Variants in NRIP1 observed in about 807,000 individuals in gnomAD.
The protein encoded by NRIP1 is nuclear receptor-interacting protein 1.
NRIP1 carries 28 observed loss-of-function variants against 75.0 expected under a neutral mutation model. The observed-to-expected ratio is 0.37, with a 90% CI of 0.28 to 0.51. The LOEUF (loss-of-function observed/expected upper bound fraction) is 0.51, where lower values mean the gene tolerates loss of function less well. Among genes scored for constraint, NRIP1 ranks in the 20% least tolerant of loss-of-function variants. The probability of loss-of-function intolerance (pLI) is 0.92; values close to 1 mark genes in which losing one functional copy is unlikely to be tolerated. For synonymous variants in NRIP1, 526 were observed against 487.6 expected, an observed-to-expected ratio of 1.08 and a Z score of -1.04; for missense variants, 1,435 against 1,343.7, an observed-to-expected ratio of 1.07 and a Z score of -1.06.
chr21:15,034,333 T>C (rs1458926149), intron 2 of NRIP1, among the ~76,000 whole-genome samples: 1 of 152,188 alleles, frequency 6.6e-6, no homozygotes, highest in Non-Finnish European at 1.5e-5. Flanking sequence ...AGTAGTTCCA[T>C]ATGTGGTGAG....
At chr21:14,998,090 G>T (rs1275401417) in intron 3 of NRIP1, among the ~76,000 whole-genome samples, 2 of 152,070 alleles carry the variant, frequency 1.3e-5, no homozygotes, top group Non-Finnish European at 2.9e-5. Context: ...CTCTGTGTTT[G>T]GTCAATTTGG....
At position 14,968,004 on chromosome 21, in the gene NRIP1, A is replaced by G; in HGVS notation, c.189T>C (p.Ser63=). Residue 63 remains serine, a synonymous_variant, in exon 4 of 4, where the codon AGT becomes AGC. Transcript: ENST00000318948. The part of the protein sequence containing the change: ...ISGSAFPTCQ[S]NGPVLNTHTY... The stretch of plus-strand genomic sequence containing the variant: ...TATGTGTATTGAGAACTGGACCATT[A>G]CTTTGACAGGTGGGAAATGCACTGC... The G allele has an allele frequency of 6.2e-7, 1 of 1,614,010 alleles. No individual in the cohort carries two copies.
intron 2 of NRIP1, among the ~76,000 whole-genome samples, chr21:15,032,103 A>G (rs1247821422): frequency 6.6e-6 from 1 of 152,212 alleles, no homozygotes; most frequent in East Asian, 1.9e-4. Context: ...CTAAGTTCAA[A>G]GTGGAGGAAG....
Position 14,965,060 on chromosome 21 carries a change from C to G in NRIP1, c.3133G>C (p.Val1045Leu). 1 of 1,613,860 alleles carries G rather than the reference C, an allele frequency of 6.2e-7. No homozygotes were observed. The highest frequency in any genetic ancestry group is 8.5e-7 in the Non-Finnish European group (1 of 1,179,912). ...TCATTCTTCTCCGCATCAGTGATAA[C>G]CCACTTAATGGGTCCTTTCTCACTG... ...MPSEKGPIKW[V>L]ITDAEKNEYE... The change falls in exon 4 of 4, where the codon GTT (valine) becomes CTT (leucine). Residue 1045 changes from valine (V) to leucine (L), a missense_variant. Val to Leu is a conservative substitution (Grantham distance 32, BLOSUM62 1). Transcript: ENST00000318948.
At chr21:14,997,083 G>C (rs2087749834) in intron 3 of NRIP1, among the ~76,000 whole-genome samples, 1 of 151,844 alleles carries the variant, frequency 6.6e-6, no homozygotes, top group Non-Finnish European at 1.5e-5. Flanking sequence ...CTCTTCATTC[G>C]GCATTCAGAC....
upstream of NRIP1, among the ~76,000 whole-genome samples, chr21:15,065,166 G>T (rs1399661502): frequency 6.6e-6 from 1 of 152,002 alleles, no homozygotes; most frequent in Admixed American, 6.6e-5. Context: ...ATTGTCACCC[G>T]GTCAGGAGGA....
chr21:15,018,840 T>A (rs938282170), intron 2 of NRIP1, among the ~76,000 whole-genome samples: 2 of 152,124 alleles, frequency 1.3e-5, no homozygotes, highest in Non-Finnish European at 2.9e-5. Context: ...AGAAAAAATA[T>A]GGCTAGAACT....
chr21:15,040,582 G>T (rs1162282789), intron 2 of NRIP1, among the ~76,000 whole-genome samples: 1 of 151,974 alleles, frequency 6.6e-6, no homozygotes, highest in South Asian at 2.1e-4. Flanking sequence ...ATTCAAAGAG[G>T]TGTCCAAATA....
chr21:15,011,133 A>G (rs2088090519), intron 3 of NRIP1, among the ~76,000 whole-genome samples: 1 of 152,244 alleles, frequency 6.6e-6, no homozygotes, highest in African/African-American at 2.4e-5. Context: ...GAAGTTGGAC[A>G]GGCATTCCAT....
chr21:15,024,411 A>AC (rs1568988050), intron 2 of NRIP1, among the ~76,000 whole-genome samples: 2 of 151,642 alleles, frequency 1.3e-5, no homozygotes, highest in Non-Finnish European at 2.9e-5. Context: ...GTGTGGTGGC[A>AC]GTCACCTGTA....
chr21:15,043,218 A>G (rs2088996856), intron 2 of NRIP1, among the ~76,000 whole-genome samples: 1 of 152,226 alleles, frequency 6.6e-6, no homozygotes, highest in Non-Finnish European at 1.5e-5. Context: ...GACATTCTTT[A>G]AAATAGTTCT....
At chr21:15,057,787 A>C (rs753482995) in intron 1 of NRIP1, among the ~76,000 whole-genome samples, 2 of 152,188 alleles carry the variant, frequency 1.3e-5, no homozygotes, top group Non-Finnish European at 2.9e-5. Context: ...CCTTATCTCT[A>C]AACTAGAGAA....
Position 14,966,822 on chromosome 21 carries a change from A to T in NRIP1, c.1371T>A (p.Pro457=). The T allele has an allele frequency of 6.2e-7, 1 of 1,614,138 alleles. No individual in the cohort carries two copies. The change falls in exon 4 of 4, where the codon CCT becomes CCA. Residue 457 remains proline, a synonymous_variant. Coordinates refer to ENST00000318948, the MANE Select transcript of NRIP1 (RefSeq NM_003489.4). ...HRTEKSESDQ[P]VSLDNFTQSL... ...ATTGAGTGAAGTTATCCAGGGAAAC[A>T]GGTTGGTCAGATTCTGATTTTTCAG... is the stretch of plus-strand genomic sequence containing the variant.
At chr21:14,976,498 A>G (rs1273470641) in intron 3 of NRIP1, among the ~76,000 whole-genome samples, 1 of 152,196 alleles carries the variant, frequency 6.6e-6, no homozygotes, top group Non-Finnish European at 1.5e-5. Context: ...TAATTTTTTT[A>G]GAGCTTTTTA....
chr21:15,032,305 AAATTCT>A (rs1343800390), intron 2 of NRIP1, among the ~76,000 whole-genome samples: 1 of 152,238 alleles, frequency 6.6e-6, no homozygotes, highest in Non-Finnish European at 1.5e-5. Flanking sequence ...AAAACTTTGA[AAATTCT>A]AATAAACTCC....
intron 3 of NRIP1, chr21:15,002,277 C>A (rs990192341): frequency 6.6e-6 from 1 of 152,188 alleles, no homozygotes; most frequent in Non-Finnish European, 1.5e-5. Context: ...TGTAAAATCT[C>A]TTTTCTTTCT....
intron 3 of NRIP1, among the ~76,000 whole-genome samples, chr21:14,996,051 TG>T (rs958887229): frequency 2.6e-5 from 4 of 152,122 alleles, no homozygotes; most frequent in Admixed American, 1.3e-4. Context: ...AGAAATGTAA[TG>T]GGAGCCACCA....
chr21:15,010,085 G>A (rs1026469447), intron 3 of NRIP1, among the ~76,000 whole-genome samples: 1 of 152,090 alleles, frequency 6.6e-6, no homozygotes, highest in Non-Finnish European at 1.5e-5. Flanking sequence ...ATGCAAAAAG[G>A]AAGCAAGCGA....
At chr21:15,053,590 C>CT (rs1345902734) in intron 1 of NRIP1, among the ~76,000 whole-genome samples, 1 of 152,166 alleles carries the variant, frequency 6.6e-6, no homozygotes, top group Non-Finnish European at 1.5e-5. Context: ...AACATACCGA[C>CT]TGACACTAAT....
Sources: gnomAD v4.1 joint callset for allele counts (sites outside exome capture counted in the v4.1 genomes callset) on GRCh38, gnomAD v4.1.1 for gene constraint, MANE v1.5 for transcripts, NCBI Gene and HGNC (gene_info 2026-07-23, HGNC 2026-07-21) for gene names.